The following AFG2A variants were observed in gnomAD, a reference collection of about 807,000 sequenced individuals.
The protein encoded by AFG2A is AAA ATPase AFG2A, also known as ATPase family gene 2 protein homolog A.
the AFG2A span, among the ~76,000 whole-genome samples, chr4:123,237,723 T>G: frequency 9.4e-6 from 1 of 106,128 alleles, no homozygotes; most frequent in African/African-American, 3.9e-5. Context: ...GAGGGCCAAA[T>G]AGGAACAGCT....
chr4:122,950,431 C>T, the AFG2A span, among the ~76,000 whole-genome samples: 2 of 152,068 alleles, frequency 1.3e-5, no homozygotes, highest in Admixed American at 1.3e-4. Context: ...CCTCCGCCTC[C>T]TGAGTTCAAG....
the AFG2A span, among the ~76,000 whole-genome samples, chr4:123,078,854 G>C: frequency 6.6e-6 from 1 of 152,126 alleles, no homozygotes; most frequent in East Asian, 1.9e-4. Flanking sequence ...GAAAAACATA[G>C]AGATGAGACA....
the AFG2A span, among the ~76,000 whole-genome samples, chr4:123,308,071 G>A: frequency 6.6e-6 from 1 of 152,200 alleles, no homozygotes; most frequent in African/African-American, 2.4e-5. Flanking sequence ...CCATTCCAGT[G>A]CAGTTTTTTT....
the AFG2A span, among the ~76,000 whole-genome samples, chr4:123,007,400 G>A: frequency 2.0e-5 from 3 of 151,554 alleles, no homozygotes; most frequent in East Asian, 2.0e-4. Context: ...TTTTCTTCAC[G>A]TGTGAATATT....
the AFG2A span, among the ~76,000 whole-genome samples, chr4:123,248,339 ATTC>A: frequency 6.6e-6 from 1 of 152,208 alleles, no homozygotes; most frequent in Admixed American, 6.5e-5. Flanking sequence ...CTCTAAAGTC[ATTC>A]TTCTCCCAGT....
the AFG2A span, among the ~76,000 whole-genome samples, chr4:123,096,285 T>C: frequency 2.7e-5 from 4 of 148,548 alleles, no homozygotes; most frequent in Non-Finnish European, 5.9e-5. Context: ...ATTAATGAGA[T>C]TGTGTGATAT....
the AFG2A span, among the ~76,000 whole-genome samples, chr4:123,009,492 C>T: frequency 6.6e-6 from 1 of 152,172 alleles, no homozygotes; most frequent in Non-Finnish European, 1.5e-5. Context: ...GTACATACCT[C>T]TCTAGTTTAC....
chr4:123,130,305 C>T, the AFG2A span, among the ~76,000 whole-genome samples: 102 of 152,310 alleles, frequency 6.7e-4, no homozygotes, highest in Admixed American at 1.8e-3. Context: ...GCGTGAGACA[C>T]GATGCCAGGT....
the AFG2A span, among the ~76,000 whole-genome samples, chr4:122,945,182 C>G: frequency 6.6e-6 from 1 of 152,206 alleles, no homozygotes; most frequent in Non-Finnish European, 1.5e-5. Context: ...CAGACAGGGA[C>G]ATTTAAGTCT....
At chr4:123,260,308 G>A in the AFG2A span, among the ~76,000 whole-genome samples, 90 of 152,086 alleles carry the variant, frequency 5.9e-4, no homozygotes, top group Non-Finnish European at 1.1e-3. Context: ...AACTTAGTCT[G>A]TTTGTTTTAT....
At chr4:123,052,936 A>G in the AFG2A span, among the ~76,000 whole-genome samples, 2 of 151,500 alleles carry the variant, frequency 1.3e-5, no homozygotes, top group African/African-American at 4.9e-5. Flanking sequence ...TGAGAGTCCA[A>G]AGGGTGAAGA....
chr4:123,221,772 A>G, the AFG2A span, among the ~76,000 whole-genome samples: 1 of 151,896 alleles, frequency 6.6e-6, no homozygotes, highest in Non-Finnish European at 1.5e-5. Context: ...TAAAAATACA[A>G]AAAAATTAGA....
the AFG2A span, among the ~76,000 whole-genome samples, chr4:123,167,561 A>G: frequency 6.6e-6 from 1 of 152,008 alleles, no homozygotes; most frequent in African/African-American, 2.4e-5. Flanking sequence ...GTTAGCCAGG[A>G]TGGTCTCGCT....
chr4:123,237,574 G>A, the AFG2A span, among the ~76,000 whole-genome samples: 2 of 148,826 alleles, frequency 1.3e-5, no homozygotes, highest in South Asian at 2.2e-4. Flanking sequence ...TTGGGAGGTT[G>A]AGGCATGAGA....
chr4:123,262,080 T>C, the AFG2A span, among the ~76,000 whole-genome samples: 1 of 152,156 alleles, frequency 6.6e-6, no homozygotes, highest in East Asian at 1.9e-4. Flanking sequence ...CTGGCCTCTG[T>C]AGATATTTTA....
the AFG2A span, chr4:123,313,897 G>A: frequency 1.9e-6 from 3 of 1,581,860 alleles, no homozygotes; most frequent in African/African-American, 2.7e-5. Flanking sequence ...GATTGTAGCT[G>A]TCTGCAGAGA....
chr4:123,056,365 C>T, the AFG2A span: 4 of 1,604,014 alleles, frequency 2.5e-6, no homozygotes, highest in Non-Finnish European at 3.4e-6. Context: ...AGACACTGAA[C>T]AGTTGTTTTC....
chr4:123,209,179 A>G, the AFG2A span, among the ~76,000 whole-genome samples: 7 of 152,160 alleles, frequency 4.6e-5, no homozygotes, highest in Non-Finnish European at 7.4e-5. Flanking sequence ...TTTATAGCTC[A>G]TCAGTCAGAA....
At chr4:123,190,486 C>A in the AFG2A span, among the ~76,000 whole-genome samples, 13 of 152,182 alleles carry the variant, frequency 8.5e-5, no homozygotes, top group Admixed American at 6.5e-5. Flanking sequence ...TGAAGTATCA[C>A]TTTTCTAGTT....
Sources: gnomAD v4.1 joint callset for allele counts (sites outside exome capture counted in the v4.1 genomes callset) on GRCh38, gnomAD v4.1.1 for gene constraint, MANE v1.5 for transcripts, NCBI Gene and HGNC (gene_info 2026-07-23, HGNC 2026-07-21) for gene names.